REG4: variants seen among roughly 807,000 people sequenced by gnomAD.
The protein encoded by REG4 is regenerating islet-derived protein 4.
In REG4, 16 loss-of-function variants were observed where a neutral mutation model predicts 22.3. That is an observed-to-expected ratio of 0.72 (90% CI 0.49 to 1.09). REG4 has a LOEUF of 1.09. REG4 is among the 50% of genes least tolerant of loss of function. REG4 has a pLI of 0.00. For synonymous variants in REG4, 71 were observed against 69.2 expected (o/e 1.03, Z -0.13); for missense variants, 214 against 193.9 (o/e 1.10, Z -0.61).
chr1:119,802,733 C>T (rs1171132732), intron 3 of REG4: 12 of 1,448,402 alleles, frequency 8.3e-6, no homozygotes, highest in Non-Finnish European at 1.1e-5. Flanking sequence ...CTCCATTATC[C>T]TTTCTGTGAA....
At position 119,794,486 on chromosome 1, in the gene REG4, C is replaced by G. The variant is rs1653872898; in HGVS notation, c.*132G>C. ...GTTTCTGTCTCTAAGCCTAAAAAAG[C>G]CAGTGTAGTAGGGCCCTTATCACTC... On this transcript the variant is annotated 3_prime_UTR_variant, in exon 6 of 6. Coordinates refer to ENST00000256585, the MANE Select transcript of REG4 (RefSeq NM_032044.4). 2 of 810,826 alleles carry G rather than the reference C, an allele frequency of 2.5e-6. No individual in the cohort carries two copies. Among genetic ancestry groups the G allele is most frequent in the Non-Finnish European group, 4.2e-6 (2 of 475,624 alleles). The allele number at this position is 810,826 out of a possible 1,614,324, so 50.2% of individuals were successfully genotyped here.
At chr1:119,806,368 A>G (rs1654318611) in intron 2 of REG4, among the ~76,000 whole-genome samples, 1 of 152,236 alleles carries the variant, frequency 6.6e-6, no homozygotes, top group African/African-American at 2.4e-5. Context: ...AAACAAAGGC[A>G]GAAAGAAGAC....
chr1:119,798,361 CT>C (rs1653992907), intron 5 of REG4, 135 bp downstream of exon 5: 1 of 694,958 alleles, frequency 1.4e-6, no homozygotes, highest in African/African-American at 1.7e-5. Context: ...GGCAAGGCCA[CT>C]GCCTTGCTGG....
At chr1:119,806,086 T>G (rs914860659) in intron 2 of REG4, among the ~76,000 whole-genome samples, 1 of 152,158 alleles carries the variant, frequency 6.6e-6, no homozygotes, top group Non-Finnish European at 1.5e-5. Flanking sequence ...CGAGCACCAC[T>G]GTACCAGGCT....
At chr1:119,811,383 C>G (rs1460006229) in intron 1 of REG4, 26 bp downstream of exon 1, 1 of 152,156 alleles carries the variant, frequency 6.6e-6, no homozygotes, top group Non-Finnish European at 1.5e-5. Context: ...AGAAAGTCCC[C>G]CATCATCAAC....
rs1654040628 is a variant in REG4 at position 119,799,709 on chromosome 1, C to A, written c.303+16G>T. The A allele has an allele frequency of 6.2e-7, 1 of 1,608,724 alleles. No homozygotes were observed. Among genetic ancestry groups the A allele is most frequent in the Non-Finnish European group, 8.5e-7 (1 of 1,176,962 alleles). ...GGCTTTCCCAAGAGGGCCTTTGTGG[C>A]CAAGTCTGAGGTTACCTTCTGTGGG... On this transcript the variant is annotated intron_variant, in intron 4 of 5. Coordinates refer to ENST00000256585, the MANE Select transcript of REG4 (RefSeq NM_032044.4).
chr1:119,796,036 C>G (rs10802135), intron 5 of REG4, among the ~76,000 whole-genome samples: 62,529 of 152,088 alleles, frequency 0.41, 13,891 homozygotes, highest in East Asian at 0.77. Context: ...GGAAGGGTGA[C>G]TGAGAAACCT....
Position 119,794,418 on chromosome 1 carries a change from GC to G in REG4, c.*199del. On this transcript the variant is annotated 3_prime_UTR_variant, in exon 6 of 6. Coordinates refer to ENST00000256585, the MANE Select transcript of REG4 (RefSeq NM_032044.4). ...GGATACTGTGGAAAGGGATGGCGGG[GC>G]AAACATTTAGAGCTAGAAGCCACTA... 1.6e-6 allele frequency: 1 copy of G among 642,510 alleles called. No individual in the cohort carries two copies. Among genetic ancestry groups the G allele is most frequent in the South Asian group, 1.8e-5 (1 of 54,370 alleles). The allele number at this position is 642,510 out of a possible 1,614,324, so 39.8% of individuals were successfully genotyped here. A position where few individuals can be genotyped will look rare whatever the true frequency, so the allele number is the denominator to read the frequency against.
intron 5 of REG4, among the ~76,000 whole-genome samples, chr1:119,796,131 G>A (rs1010906108): frequency 6.6e-6 from 1 of 152,160 alleles, no homozygotes; most frequent in Non-Finnish European, 1.5e-5. Flanking sequence ...TGATTAGGGC[G>A]ATTATTTCCT....
Position 119,808,689 on chromosome 1 carries a change from T to G in REG4, c.67+14A>C. 1.2e-6 allele frequency: 2 copies of G among 1,604,222 alleles called. No individual in the cohort carries two copies. The highest frequency in any genetic ancestry group is 1.1e-5 in the South Asian group (1 of 90,820). On this transcript the variant is annotated intron_variant, in intron 2 of 5. Coordinates refer to ENST00000256585, the MANE Select transcript of REG4 (RefSeq NM_032044.4). Reference sequence around the variant, plus strand: ...TGGCTGTGGCTCAGTTCCAGCTACGTGATGGATACTCACCACCCAGGACTC... The same window carrying G: ...TGGCTGTGGCTCAGTTCCAGCTACGGGATGGATACTCACCACCCAGGACTC...
At chr1:119,800,459 C>T (rs139159207) in intron 3 of REG4, among the ~76,000 whole-genome samples, 2 of 152,270 alleles carry the variant, frequency 1.3e-5, no homozygotes, top group South Asian at 2.1e-4. Flanking sequence ...ACACCTCCAA[C>T]ACACTGGGCA....
chr1:119,803,044 C>T, intron 3 of REG4, 24 bp downstream of exon 3: 2 of 1,610,166 alleles, frequency 1.2e-6, no homozygotes, highest in Non-Finnish European at 1.7e-6. Flanking sequence ...AAAGGCCAGG[C>T]CAAGCAGGCA....
intron 5 of REG4, 38 bp from the exon 6 acceptor site, chr1:119,794,723 AC>A: frequency 3.2e-6 from 5 of 1,576,310 alleles, no homozygotes; most frequent in Non-Finnish European, 4.4e-6. Flanking sequence ...TCCATTCAGT[AC>A]TATACTGAGC....
intron 2 of REG4, among the ~76,000 whole-genome samples, chr1:119,804,164 G>A (rs1006615599): frequency 1.3e-5 from 2 of 152,184 alleles, no homozygotes; most frequent in Non-Finnish European, 2.9e-5. Context: ...CATGGTGGGT[G>A]AAAAGTGTTT....
At chr1:119,805,381 C>T (rs1342482488) in intron 2 of REG4, among the ~76,000 whole-genome samples, 1 of 152,118 alleles carries the variant, frequency 6.6e-6, no homozygotes. Context: ...AGGACAAAGA[C>T]CCCTGGCATC....
At chr1:119,806,345 G>A (rs587762782) in intron 2 of REG4, among the ~76,000 whole-genome samples, 10 of 152,200 alleles carry the variant, frequency 6.6e-5, no homozygotes, top group South Asian at 2.1e-4. Flanking sequence ...TTATTCCTAC[G>A]TTCCAGATGA....
chr1:119,798,431 G>T, intron 5 of REG4, 66 bp downstream of exon 5: 2 of 1,276,954 alleles, frequency 1.6e-6, no homozygotes, highest in Non-Finnish European at 1.1e-6. Context: ...CTATTTTTGT[G>T]CTTACTAGGT....
intron 4 of REG4, among the ~76,000 whole-genome samples, chr1:119,798,966 C>G (rs1250196941): frequency 6.6e-6 from 1 of 151,978 alleles, no homozygotes; most frequent in Admixed American, 6.5e-5. Context: ...ATCTGTTTTT[C>G]TGTAACATAA....
chr1:119,799,264 G>T (rs965320596), intron 4 of REG4, among the ~76,000 whole-genome samples: 1 of 151,538 alleles, frequency 6.6e-6, no homozygotes, highest in Admixed American at 6.6e-5. Context: ...TTGATGAAAA[G>T]AACAGGAAGT....
Sources: allele counts gnomAD v4.1 joint callset (sites outside exome capture counted in the v4.1 genomes callset), GRCh38; gene constraint gnomAD v4.1.1; transcripts MANE v1.5; gene names NCBI Gene and HGNC (gene_info 2026-07-23, HGNC 2026-07-21).